ERBIN: variants seen among roughly 807,000 people sequenced by gnomAD.
The protein encoded by ERBIN is densin-180-like protein.
Under a neutral mutation model 158.4 loss-of-function variants are expected in ERBIN, and 60 were observed. The ratio of observed to expected loss-of-function variants is 0.38; its 90% CI spans 0.31 to 0.47. The LOEUF (loss-of-function observed/expected upper bound fraction) is 0.47. ERBIN is among the 20% of genes least tolerant of loss of function. The probability of loss-of-function intolerance (pLI) is 0.99; values close to 1 mark genes in which losing one functional copy is unlikely to be tolerated. For synonymous variants in ERBIN, 594 were observed against 557.2 expected, an observed-to-expected ratio of 1.07 and a Z score of -0.93; for missense variants, 1,610 against 1,648.0, an observed-to-expected ratio of 0.98 and a Z score of 0.40.
chr5:65,949,033 G>C (rs1023497194), intron 1 of ERBIN, among the ~76,000 whole-genome samples: 7 of 151,962 alleles, frequency 4.6e-5, no homozygotes, highest in African/African-American at 1.4e-4. Flanking sequence ...CAGAGTTCTA[G>C]GATTACAGGT....
intron 15 of ERBIN, among the ~76,000 whole-genome samples, chr5:66,038,892 ATTCTT>A (rs1217033313): frequency 3.3e-5 from 5 of 152,110 alleles, no homozygotes; most frequent in Admixed American, 2.6e-4. Context: ...CTACTCTTAA[ATTCTT>A]TTCTTTATTT....
At chr5:66,011,932 C>T in intron 4 of ERBIN, 117 bp from the exon 5 acceptor site, 2 of 558,962 alleles carry the variant, frequency 3.6e-6, no homozygotes, top group South Asian at 6.4e-5. Context: ...GTCAGTTCAT[C>T]TAGTTCCTTG....
At chr5:65,933,910 T>TA (rs1461578038) in intron 1 of ERBIN, among the ~76,000 whole-genome samples, 16 of 151,778 alleles carry the variant, frequency 1.1e-4, no homozygotes, top group Admixed American at 2.0e-4. Flanking sequence ...TAAATATATA[T>TA]TTTTTTTTAT....
At chr5:65,937,460 A>T (rs1339844933) in intron 1 of ERBIN, among the ~76,000 whole-genome samples, 1 of 151,452 alleles carries the variant, frequency 6.6e-6, no homozygotes, top group Non-Finnish European at 1.5e-5. Flanking sequence ...CTATGTCAGG[A>T]TTTTCTTTTT....
At chr5:65,936,119 C>G (rs1052512496) in intron 1 of ERBIN, among the ~76,000 whole-genome samples, 1 of 151,568 alleles carries the variant, frequency 6.6e-6, no homozygotes, top group African/African-American at 2.4e-5. Flanking sequence ...CACCTTAGGT[C>G]ACTCTAGACT....
At chr5:65,988,417 A>ATG (rs146487961) in intron 1 of ERBIN, among the ~76,000 whole-genome samples, 3,194 of 150,036 alleles carry the variant, frequency 0.021, 84 homozygotes, top group African/African-American at 0.059. Flanking sequence ...GCTGGTAAAT[A>ATG]TGTGTGTGTG....
rs1343264576 is a variant in ERBIN at position 66,081,568 on chromosome 5, T to G, written c.*3038T>G. On this transcript the variant is annotated 3_prime_UTR_variant, in exon 26 of 26. Coordinates refer to ENST00000284037, the MANE Select transcript of ERBIN (RefSeq NM_001253697.2). ...CTAATGATGTTTAAACTGGTTTATT[T>G]ACAAAATTCGGGGTTAGAGAAATTC... 1 of 152,138 alleles carries G rather than the reference T, an allele frequency of 6.6e-6. No homozygotes were observed. The highest frequency in any genetic ancestry group is 2.4e-5 in the African/African-American group (1 of 41,446). 9.4% of individuals were successfully genotyped at this position (152,138 alleles called of 1,614,324 possible). A position where few individuals can be genotyped will look rare whatever the true frequency, so the allele number is the denominator to read the frequency against.
At chr5:65,952,600 A>G (rs1444563452) in intron 1 of ERBIN, among the ~76,000 whole-genome samples, 1 of 151,900 alleles carries the variant, frequency 6.6e-6, no homozygotes, top group African/African-American at 2.4e-5. Context: ...AAACTTTGAG[A>G]TACTTTCCCT....
At position 66,023,304 on chromosome 5, in the gene ERBIN, G is replaced by A; in HGVS notation, c.612G>A (p.Glu204=). 4 of 1,613,120 alleles carry A rather than the reference G, an allele frequency of 2.5e-6. No individual in the cohort carries two copies. The highest frequency in any genetic ancestry group is 3.4e-6 in the Non-Finnish European group (4 of 1,179,366). ...AATCCCAACAGCCTGAAGTACTTGA[G>A]CAACTAAGTGGATTGAAAGAGTTTT... ...NEFTEVPEVL[E]QLSGLKEFWM... is the part of the protein sequence containing the mutation. The change falls in exon 9 of 26, where the codon GAG becomes GAA. Residue 204 remains glutamate (E), a synonymous_variant. Transcript: ENST00000284037.
intron 4 of ERBIN, among the ~76,000 whole-genome samples, 190 bp downstream of exon 4, chr5:65,995,054 A>G (rs1404384217): frequency 1.3e-5 from 2 of 152,230 alleles, no homozygotes; most frequent in African/African-American, 4.8e-5. Context: ...GTTTTGTATC[A>G]AATACAGTAA....
chr5:65,968,587 G>A (rs57403165), intron 1 of ERBIN, among the ~76,000 whole-genome samples: 6,099 of 152,186 alleles, frequency 0.04, 414 homozygotes, highest in African/African-American at 0.14. Flanking sequence ...TTGAGACGAT[G>A]TCTTGCTCCG....
Position 66,054,405 on chromosome 5 carries a change from TTTC to T in ERBIN, c.3089_3091del (p.Phe1030del). 1 of 1,614,148 alleles carries T rather than the reference TTTC, an allele frequency of 6.2e-7. No homozygotes were observed. The highest frequency in any genetic ancestry group is 1.6e-4 in the Middle Eastern group (1 of 6,062). On this transcript the variant is annotated inframe_deletion, in exon 21 of 26. Transcript: ENST00000284037. The stretch of plus-strand genomic sequence containing the variant: ...ATGCTAAACATTCTGCCAATATGAA[TTTC>T]TCTAATCATAACAATGTTCGAGCTA...
At chr5:65,986,453 C>T (rs1229464345) in intron 1 of ERBIN, among the ~76,000 whole-genome samples, 2 of 152,046 alleles carry the variant, frequency 1.3e-5, no homozygotes, top group Non-Finnish European at 2.9e-5. Flanking sequence ...TTGTGGCATG[C>T]AGTATATGTA....
intron 25 of ERBIN, among the ~76,000 whole-genome samples, chr5:66,077,759 T>TACACACAC (rs70987111): frequency 0.019 from 2,715 of 139,340 alleles, 151 homozygotes; most frequent in Admixed American, 0.12. Context: ...TCCCTCCCTC[T>TACACACAC]ACACACACAC....
At chr5:66,029,678 C>T (rs1756647219) in intron 14 of ERBIN, among the ~76,000 whole-genome samples, 1 of 152,172 alleles carries the variant, frequency 6.6e-6, no homozygotes, top group African/African-American at 2.4e-5. Flanking sequence ...GACCTCAGCT[C>T]ACTGCAACCT....
intron 20 of ERBIN, among the ~76,000 whole-genome samples, chr5:66,051,740 C>T (rs904714283): frequency 1.3e-5 from 2 of 151,634 alleles, no homozygotes; most frequent in African/African-American, 2.4e-5. Flanking sequence ...AAAAAAAGTA[C>T]AAAAGTTGGC....
At chr5:65,992,324 A>G (rs1377575222) in intron 2 of ERBIN, among the ~76,000 whole-genome samples, 2 of 151,798 alleles carry the variant, frequency 1.3e-5, no homozygotes, top group Non-Finnish European at 2.9e-5. Context: ...AATTTTTTGT[A>G]TTTTTAGGAG....
chr5:66,072,222 T>A lies in ERBIN; in HGVS notation c.3687T>A (p.Ile1229=). ...ATCCTTGTCAAGATGGTATATTCAT[T>A]TCAGGACAGCAGAACTACTCATCAG... The part of the protein sequence containing the change: ...SGDPCQDGIF[I]SGQQNYSSAT... The change falls in exon 22 of 26, where the codon ATT becomes ATA. Residue 1229 remains isoleucine, a synonymous_variant. Transcript: ENST00000284037. The A allele has an allele frequency of 6.4e-7, 1 of 1,550,468 alleles. No individual in the cohort carries two copies. The highest frequency in any genetic ancestry group is 8.7e-7 in the Non-Finnish European group (1 of 1,146,922).
intron 13 of ERBIN, among the ~76,000 whole-genome samples, chr5:66,027,591 A>G (rs1756416454): frequency 6.6e-6 from 1 of 152,030 alleles, no homozygotes; most frequent in African/African-American, 2.4e-5. Context: ...AATACAGTAT[A>G]CCTACTATTT....
Sources: gnomAD v4.1 joint callset for allele counts (sites outside exome capture counted in the v4.1 genomes callset) on GRCh38, gnomAD v4.1.1 for gene constraint, MANE v1.5 for transcripts, NCBI Gene and HGNC (gene_info 2026-07-23, HGNC 2026-07-21) for gene names.